PNKP: variants seen among roughly 807,000 people sequenced by gnomAD.
PNKP encodes the protein bifunctional polynucleotide phosphatase/kinase.
Under a neutral mutation model 66.2 loss-of-function variants are expected in PNKP, and 82 were observed. The observed-to-expected ratio is 1.24, with a 90% CI of 1.04 to 1.49. The LOEUF is 1.49. Among genes scored for constraint, PNKP ranks in the 40% most tolerant of loss-of-function variants. PNKP has a pLI of 0.00. For missense variants in PNKP, 907 were observed against 706.8 expected (o/e 1.28, Z -3.21); for synonymous variants, 412 against 298.9 (o/e 1.38, Z -3.90).
intron 3 of PNKP, 175 bp from the exon 4 acceptor site, chr19:49,865,601 CTTTTTTTTT>C (rs749242089): frequency 3.8e-5 from 12 of 318,488 alleles, no homozygotes; most frequent in East Asian, 3.1e-4. Context: ...TTGTCCGAAT[CTTTTTTTTT>C]TTTTTTTTTT....
chr19:49,861,739 C>T (rs1600415625), intron 14 of PNKP, 33 bp downstream of exon 14: 2 of 1,554,200 alleles, frequency 1.3e-6, no homozygotes, highest in African/African-American at 1.4e-5. Flanking sequence ...CCCACCCCGC[C>T]GCAGGCCACC....
intron 3 of PNKP, chr19:49,866,187 GAC>G (rs778510015): frequency 1.7e-5 from 10 of 597,282 alleles, no homozygotes; most frequent in Non-Finnish European, 2.7e-5. Flanking sequence ...TTTTTAGAGA[GAC>G]AGGTTTCACC....
rs1017330396 is a variant in PNKP at position 49,861,475 on chromosome 19, C to G, written c.1422G>C (p.Val474=). Residue 474 remains valine, a synonymous_variant, in exon 16 of 17, where the codon GTG becomes GTC. Transcript: ENST00000322344. The part of the protein sequence containing the change: ...REMTDSSHIP[V]SDMVMYGYRK... ...TGTAGCCATACATGACCATGTCTGA[C>G]ACGGGGATATGAGAGGAGTCCGTCA... is the stretch of plus-strand genomic sequence containing the variant. 3 of 1,613,442 alleles carry G rather than the reference C, an allele frequency of 1.9e-6. No individual in the cohort carries two copies.
intron 8 of PNKP, among the ~76,000 whole-genome samples, chr19:49,863,025 CGG>C (rs2074790928): frequency 2.0e-5 from 3 of 152,272 alleles, no homozygotes; most frequent in Middle Eastern, 3.4e-3. Context: ...TCCGGCGTGC[CGG>C]CGCCTCCCAG....
At position 49,865,020 on chromosome 19, in the gene PNKP, C is replaced by A. The variant is rs1415621950; in HGVS notation, c.498+107G>T. The stretch of plus-strand genomic sequence containing the variant: ...CGATCCCTGCATTTATCATTAGGCC[C>A]ATTTCTCAGAAAAGTAAGTAGAGGC... On this transcript the variant is annotated intron_variant, in intron 4 of 16. Coordinates refer to ENST00000322344, the MANE Select transcript of PNKP (RefSeq NM_007254.4). 9.6e-6 allele frequency: 8 copies of A among 837,314 alleles called. No individual in the cohort carries two copies. In the East Asian group the frequency reaches 2.1e-4, roughly 22 times the overall value. The allele number at this position is 837,314 out of a possible 1,614,324, so 51.9% of individuals were successfully genotyped here.
intron 2 of PNKP, chr19:49,866,801 T>C (rs1369589177): frequency 1.7e-6 from 1 of 600,838 alleles, no homozygotes; most frequent in Non-Finnish European, 3.0e-6. Flanking sequence ...CGCCTGTTTC[T>C]GGATTTCCCG....
Position 49,862,079 on chromosome 19 carries a change from GCTT to G in PNKP, c.1150_1152del (p.Lys384del). ...TGGACATATCCGGCCGACACGAGGT[GCTT>G]CTTGAGAAAGGTGGACTTCCCGGCT... On this transcript the variant is annotated inframe_deletion, in exon 13 of 17. Transcript: ENST00000322344. 2 of 1,614,176 alleles carry G rather than the reference GCTT, an allele frequency of 1.2e-6. No homozygotes were observed. Among genetic ancestry groups the G allele is most frequent in the East Asian group, 2.2e-5 (1 of 44,872 alleles).
intron 4 of PNKP, 133 bp from the exon 5 acceptor site, chr19:49,864,536 C>T: frequency 1.3e-6 from 1 of 754,320 alleles, no homozygotes; most frequent in Non-Finnish European, 2.4e-6. Flanking sequence ...AACCGAGTCA[C>T]AGAGCACCTC....
At chr19:49,862,960 C>T in intron 8 of PNKP, 1 of 647,874 alleles carries the variant, frequency 1.5e-6, no homozygotes, top group South Asian at 1.7e-5. Context: ...GACTTCACCT[C>T]CTCCCGTTCC....
chr19:49,861,815 C>T lies in PNKP; in HGVS notation c.1255G>A (p.Val419Ile), dbSNP rs756416098. 48 of 1,585,194 alleles carry T rather than the reference C, an allele frequency of 3.0e-5. No homozygotes were observed. Among genetic ancestry groups the T allele is most frequent in the Admixed American group, 7.2e-5 (4 of 55,680 alleles). The change falls in exon 14 of 17, where the codon GTC (valine) becomes ATC (isoleucine). Residue 419 changes from valine to isoleucine, a missense_variant. Coordinates refer to ENST00000322344, the MANE Select transcript of PNKP (RefSeq NM_007254.4). Reference sequence around the variant, plus strand: ...TCTGGGTTTGTGTTGTCGATGGCGACCCGTTTCCCTTGCTTCAGGGCTGTC... The same window carrying T: ...TCTGGGTTTGTGTTGTCGATGGCGATCCGTTTCCCTTGCTTCAGGGCTGTC... The part of the protein sequence containing the change: ...CETALKQGKR[V>I]AIDNTNPDAA...
In PNKP at chr19:49,863,960, A is replaced by AT. The variant is rs1555811411; in HGVS notation, c.744+3dup. The AT allele has an allele frequency of 4.4e-6, 7 of 1,607,954 alleles. No homozygotes were observed. The highest frequency in any genetic ancestry group is 5.1e-6 in the Non-Finnish European group (6 of 1,174,762). ...ATAGCTCCCAGCCTCCCTTCCAGCC[A>AT]TACCTGGAAGGGGACCCCCAGCTTC... On this transcript the variant is annotated splice_donor_region_variant and intron_variant, in intron 7 of 16. Transcript: ENST00000322344.
intron 1 of PNKP, 36 bp downstream of exon 1, chr19:49,867,433 A>C: frequency 8.4e-6 from 5 of 595,134 alleles, no homozygotes; most frequent in Non-Finnish European, 1.5e-5. Flanking sequence ...ACAGGCAGAG[A>C]GCCTCGCACA....
intron 7 of PNKP, 29 bp downstream of exon 7, chr19:49,863,935 A>G (rs2074799041): frequency 1.9e-6 from 3 of 1,562,828 alleles, no homozygotes; most frequent in East Asian, 4.5e-5. Flanking sequence ...GTGCCCCCAC[A>G]TAGCTCCCAG....
In PNKP at chr19:49,865,496, A is replaced by G; in HGVS notation, c.199-70T>C. ...GGGAGCTTCCTCCAATCAAATACCC[A>G]GCGGAAAAATCAGCCCTTCTCCACC... On this transcript the variant is annotated intron_variant, in intron 3 of 16. Transcript: ENST00000322344. The G allele has an allele frequency of 5.0e-6, 6 of 1,194,252 alleles. No homozygotes were observed. The South Asian group carries it at 7.8e-5, about 16-fold the overall frequency. 74.0% of individuals were successfully genotyped at this position (1,194,252 alleles called of 1,614,324 possible). A position where few individuals can be genotyped will look rare whatever the true frequency, so the allele number is the denominator to read the frequency against.
rs771622669 is a variant in PNKP at position 49,862,550 on chromosome 19, G to A, written c.924C>T (p.Cys308=). The stretch of plus-strand genomic sequence containing the variant: ...GCAGGGGCCTCACCAGGCGATCGGC[G>A]CAGGAGAAGTCTTTCTTCTTCCGCC... ...APGRKKKDFS[C]ADRLFALNLG... Residue 308 remains cysteine, a synonymous_variant, in exon 10 of 17, where the codon TGC becomes TGT. Transcript: ENST00000322344. The A allele has an allele frequency of 8.1e-6, 13 of 1,610,968 alleles. No individual in the cohort carries two copies. Among genetic ancestry groups the A allele is most frequent in the South Asian group, 6.6e-5 (6 of 90,784 alleles).
chr19:49,861,213 A>AAG lies in PNKP; in HGVS notation c.*34_*35insCT, dbSNP rs777880107. 1.5e-5 allele frequency: 22 copies of AAG among 1,420,694 alleles called. No individual in the cohort carries two copies. The highest frequency in any genetic ancestry group is 2.0e-5 in the Non-Finnish European group (20 of 1,004,700). 88.0% of individuals were successfully genotyped at this position (1,420,694 alleles called of 1,614,324 possible). On this transcript the variant is annotated 3_prime_UTR_variant, in exon 17 of 17. Transcript: ENST00000322344. ...AAAATGCCGGCCAAGCTCAAGGAGA[A>AAG]ACAGCGTTTATTGTGGAGGGGAGCT...
chr19:49,862,436 C>G lies in PNKP; in HGVS notation c.964G>C (p.Ala322Pro). 6.3e-7 allele frequency: 1 copy of G among 1,583,110 alleles called. No homozygotes were observed. Among genetic ancestry groups the G allele is most frequent in the South Asian group, 1.1e-5 (1 of 87,062 alleles). ...LFALNLGLPF[A>P]TPEEFFLKWP... ...TTGAGAAAGAACTCCTCAGGCGTGG[C>G]GAAGGGCAGGCCAAGGTTGAGGGCA... The change falls in exon 11 of 17, where the codon GCC becomes CCC. Residue 322 changes from alanine to proline, a missense_variant. Physicochemically the swap from Ala to Pro is conservative, Grantham distance 27. Coordinates refer to ENST00000322344, the MANE Select transcript of PNKP (RefSeq NM_007254.4).
rs552512920 is a variant in PNKP at position 49,863,691 on chromosome 19, G to A, written c.814C>T (p.Gln272Ter). ...VTGMWDHLQE[Q>*]ANDGTPISIG... ...GCCGGGCAGGCTGCAAGACTCACCT[G>A]CTCCTGCAGATGGTCCCACATGCCC... The change falls in exon 8 of 17, where the codon CAG (glutamine) becomes TAG (stop). Residue 272 changes from glutamine to a stop codon, truncating the protein, a stop_gained and splice_region_variant. Transcript: ENST00000322344. LOFTEE classifies it high-confidence loss of function. 1.9e-6 allele frequency: 3 copies of A among 1,553,018 alleles called. No individual in the cohort carries two copies. The highest frequency in any genetic ancestry group is 1.4e-5 in the African/African-American group (1 of 73,414).
chr19:49,862,592 C>T lies in PNKP; in HGVS notation c.882G>A (p.Pro294=), dbSNP rs745849196. The T allele has an allele frequency of 5.0e-6, 8 of 1,613,404 alleles. No homozygotes were observed. In the South Asian group the frequency reaches 7.7e-5, roughly 16 times the overall value. The change falls in exon 10 of 17, where the codon CCG becomes CCA. Residue 294 remains proline (P), a synonymous_variant. Coordinates refer to ENST00000322344, the MANE Select transcript of PNKP (RefSeq NM_007254.4). ...TCTTCCGCCCCGGGGCCCAGTTGGCCGGGCGTCCGGCTGCGTCTGGAACAC... is the reference window on the plus strand; with the variant it reads ...TCTTCCGCCCCGGGGCCCAGTTGGCTGGGCGTCCGGCTGCGTCTGGAACAC... ...SIFVGDAAGR[P]ANWAPGRKKK... is the part of the protein sequence containing the mutation.
Sources: allele counts gnomAD v4.1 joint callset (sites outside exome capture counted in the v4.1 genomes callset), GRCh38; gene constraint gnomAD v4.1.1; transcripts MANE v1.5; gene names NCBI Gene and HGNC (gene_info 2026-07-23, HGNC 2026-07-21).